The following ZNF185 variants were observed in gnomAD, a reference collection of about 807,000 sequenced individuals.
ZNF185 encodes the protein zinc finger protein 185 with LIM domain.
Under a neutral mutation model 58.6 loss-of-function variants are expected in ZNF185, and 56 were observed. That is an observed-to-expected ratio of 0.95 (90% CI 0.77 to 1.19). The LOEUF is 1.19. ZNF185 is among the 50% of genes most tolerant of loss of function. ZNF185 has a pLI of 0.00. For synonymous variants in ZNF185, 230 were observed against 215.9 expected (o/e 1.07, Z -0.57); for missense variants, 627 against 573.5 (o/e 1.09, Z -0.95).
intron 21 of ZNF185, 129 bp from the exon 24 acceptor site, chrX:152,970,314 C>T (rs1038912670): frequency 5.2e-5 from 26 of 503,732 alleles, no homozygotes; most frequent in Non-Finnish European, 8.8e-5. Flanking sequence ...TTTGCAAGTC[C>T]TGAGGTCCAG....
the ZNF185 span, among the ~76,000 whole-genome samples, chrX:152,900,291 A>G: frequency 8.0e-5 from 9 of 112,285 alleles, no homozygotes; most frequent in African/African-American, 1.9e-4. Context: ...AACTCCCCCA[A>G]TTCTGGCTCG....
chrX:152,919,850 A>G (rs1270299115), intron 7 of ZNF185, among the ~76,000 whole-genome samples: 2 of 112,921 alleles, frequency 1.8e-5, no homozygotes, highest in Admixed American at 9.3e-5. Context: ...AGGCCCTGGC[A>G]GATTGGCTAT....
chrX:152,919,398 T>C (rs917762571), intron 7 of ZNF185, among the ~76,000 whole-genome samples: 1 of 111,111 alleles, frequency 9.0e-6, no homozygotes, highest in African/African-American at 3.3e-5. Context: ...CCTGAGACAG[T>C]TGAACAAAAA....
chrX:152,929,696 G>T (rs958164867), intron 12 of ZNF185, among the ~76,000 whole-genome samples: 2 of 112,320 alleles, frequency 1.8e-5, no homozygotes, highest in African/African-American at 6.5e-5. Flanking sequence ...AGTTGTCTGC[G>T]ACCGTTTCCT....
At chrX:152,934,309 C>T (rs1031759674) in intron 14 of ZNF185, among the ~76,000 whole-genome samples, 2 of 112,014 alleles carry the variant, frequency 1.8e-5, no homozygotes, top group Admixed American at 9.4e-5. Flanking sequence ...ATGGCTGTCG[C>T]GGAAGAGACT....
At chrX:152,935,669 G>T (rs375105354) in intron 14 of ZNF185, among the ~76,000 whole-genome samples, 1 of 112,454 alleles carries the variant, frequency 8.9e-6, no homozygotes, top group African/African-American at 3.2e-5. Flanking sequence ...CTGAGTTGCT[G>T]CCCCAGGGGC....
chrX:152,959,222 C>T (rs1556907779), intron 16 of ZNF185, among the ~76,000 whole-genome samples: 3 of 112,031 alleles, frequency 2.7e-5, no homozygotes. Flanking sequence ...ACCCTTGCCC[C>T]TACCGAGCCC....
intron 15 of ZNF185, 120 bp from the exon 18 acceptor site, chrX:152,945,147 C>T (rs996036997): frequency 2.9e-5 from 24 of 820,475 alleles, no homozygotes; most frequent in South Asian, 1.3e-4. Flanking sequence ...CTTTCTGCCC[C>T]GCTTTCAGGG....
intron 16 of ZNF185, among the ~76,000 whole-genome samples, chrX:152,952,397 T>C (rs1246708284): frequency 8.9e-6 from 1 of 112,627 alleles, no homozygotes; most frequent in African/African-American, 3.2e-5. Context: ...TACTTATTTA[T>C]CTCTAAGTCA....
chrX:152,945,141 C>T (rs2047655323), intron 15 of ZNF185, 126 bp from the exon 18 acceptor site: 1 of 773,185 alleles, frequency 1.3e-6, no homozygotes, highest in Non-Finnish European at 1.8e-6. Flanking sequence ...TGGCTCCTTT[C>T]TGCCCCGCTT....
chrX:152,936,102 C>T lies in ZNF185; in HGVS notation c.1122-1972C>T, dbSNP rs149548620. On this transcript the variant is annotated intron_variant, in intron 14 of 22. Transcript: ENST00000449285. ...TCATTTACTTTTCTCAGAATACTTA[C>T]GAGACAGACATGATTAGCATCCCTA... is the stretch of plus-strand genomic sequence containing the variant. 4.2e-3 allele frequency among the ~76,000 whole-genome samples: 477 copies of T among 112,339 alleles called. 4 individuals are homozygous for T. The highest frequency in any genetic ancestry group is 0.014 in the African/African-American group (435 of 30,838).
intron 16 of ZNF185, among the ~76,000 whole-genome samples, chrX:152,955,012 C>T (rs781950717): frequency 7.2e-5 from 8 of 111,138 alleles, no homozygotes; most frequent in Admixed American, 1.9e-4. Flanking sequence ...AGGTACAGAA[C>T]GGCTGGATTG....
chrX:152,966,667 A>T (rs1360394655), intron 19 of ZNF185, among the ~76,000 whole-genome samples: 3 of 111,808 alleles, frequency 2.7e-5, no homozygotes, highest in Non-Finnish European at 5.6e-5. Context: ...TAAAGTGTAC[A>T]GTCCCGAGGT....
intron 2 of ZNF185, 145 bp from the exon 4 acceptor site, chrX:152,914,993 G>T (rs1352299840): frequency 2.0e-5 from 20 of 987,268 alleles, no homozygotes. Flanking sequence ...AATGTCACAG[G>T]GTGGGAGAGC....
intron 16 of ZNF185, 61 bp from the exon 19 acceptor site, chrX:152,959,638 C>T: frequency 8.9e-7 from 1 of 1,124,850 alleles, no homozygotes. Flanking sequence ...GCCTACCTGC[C>T]ATGGGAGAAC....
At chrX:152,959,445 G>A (rs1556908048) in intron 16 of ZNF185, among the ~76,000 whole-genome samples, 2 of 112,359 alleles carry the variant, frequency 1.8e-5, no homozygotes, top group Admixed American at 9.4e-5. Context: ...GCCAGAAGAC[G>A]ATGTCTTTTA....
intron 16 of ZNF185, among the ~76,000 whole-genome samples, chrX:152,950,346 A>C (rs1440542547): frequency 1.8e-5 from 2 of 111,966 alleles, no homozygotes; most frequent in Non-Finnish European, 3.8e-5. Context: ...TATATTAACA[A>C]TATTCCATCA....
chrX:152,964,266 G>C (rs782043719), intron 18 of ZNF185, among the ~76,000 whole-genome samples: 1 of 112,804 alleles, frequency 8.9e-6, no homozygotes, highest in Non-Finnish European at 1.9e-5. Flanking sequence ...CGTGAAGGCC[G>C]GGCCTGTGAG....
rs376539336 is a variant in ZNF185, at chrX:152,938,055, C to G, written c.1122-19C>G. ...TTCTTTGGTCTGAGATCTCAGCAGGCCTGTGTTTCCTTCCTCAGCTCCAGT... is the reference window on the plus strand; with the variant it reads ...TTCTTTGGTCTGAGATCTCAGCAGGGCTGTGTTTCCTTCCTCAGCTCCAGT... On this transcript the variant is annotated intron_variant, in intron 14 of 22. Coordinates refer to ENST00000449285, the Ensembl canonical transcript of ZNF185. 3.2e-4 allele frequency: 370 copies of G among 1,166,812 alleles called. No homozygotes were observed. Among genetic ancestry groups the G allele is most frequent in the Non-Finnish European group, 4.1e-4 (356 of 871,873 alleles).
Sources: gnomAD v4.1 joint callset for allele counts (sites outside exome capture counted in the v4.1 genomes callset) on GRCh38, gnomAD v4.1.1 for gene constraint, MANE v1.5 for transcripts, NCBI Gene and HGNC (gene_info 2026-07-23, HGNC 2026-07-21) for gene names.